NTRK3: variants seen among roughly 807,000 people sequenced by gnomAD.
The protein encoded by NTRK3 is NT-3 growth factor receptor.
NTRK3 carries 24 observed loss-of-function variants against 91.7 expected under a neutral mutation model. That is an observed-to-expected ratio of 0.26 (90% confidence interval 0.19 to 0.37). The LOEUF is 0.37. Among genes scored for constraint, NTRK3 ranks in the 10% least tolerant of loss-of-function variants. NTRK3 has a pLI of 1.00. For missense variants in NTRK3, 880 were observed against 1,068.9 expected (o/e 0.82, Z 2.46); for synonymous variants, 483 against 404.0 (o/e 1.20, Z -2.34).
intron 13 of NTRK3, among the ~76,000 whole-genome samples, chr15:88,063,504 C>G (rs1225529281): frequency 6.6e-6 from 1 of 152,226 alleles, no homozygotes; most frequent in Non-Finnish European, 1.5e-5. Context: ...CTGGGTGTCT[C>G]TCTGCTGTGA....
intron 17 of NTRK3, among the ~76,000 whole-genome samples, chr15:87,919,277 G>T (rs887307249): frequency 3.3e-5 from 5 of 152,112 alleles, no homozygotes; most frequent in Non-Finnish European, 7.4e-5. Flanking sequence ...TTTGTCACTG[G>T]CTGCCAAGAG....
chr15:87,894,507 C>G (rs1427027605), intron 17 of NTRK3, among the ~76,000 whole-genome samples: 1 of 152,172 alleles, frequency 6.6e-6, no homozygotes, highest in East Asian at 1.9e-4. Context: ...TGATCATTCC[C>G]TGATGGTATG....
intron 13 of NTRK3, among the ~76,000 whole-genome samples, chr15:88,105,292 C>T (rs771382729): frequency 6.6e-6 from 1 of 152,086 alleles, no homozygotes; most frequent in Non-Finnish European, 1.5e-5. Flanking sequence ...CTACATTTAA[C>T]GTGTCAGAGA....
chr15:88,138,980 T>C (rs150756911), intron 6 of NTRK3, among the ~76,000 whole-genome samples: 140 of 152,304 alleles, frequency 9.2e-4, no homozygotes, highest in Non-Finnish European at 1.6e-3. Context: ...ATTTCCAAGA[T>C]ATGCTCAAAG....
intron 6 of NTRK3, among the ~76,000 whole-genome samples, chr15:88,138,947 C>T (rs141137534): frequency 6.2e-4 from 94 of 152,180 alleles, no homozygotes; most frequent in African/African-American, 2.1e-3. Context: ...ACTGACTGTC[C>T]CTGGGGGAGT....
intron 3 of NTRK3, among the ~76,000 whole-genome samples, chr15:88,218,707 C>T (rs1225491703): frequency 1.3e-5 from 2 of 152,142 alleles, no homozygotes; most frequent in Non-Finnish European, 2.9e-5. Flanking sequence ...GCTTCTGTGC[C>T]CTGCACCATT....
intron 13 of NTRK3, among the ~76,000 whole-genome samples, chr15:88,062,935 G>C (rs1243970395): frequency 6.6e-6 from 1 of 152,230 alleles, no homozygotes; most frequent in Non-Finnish European, 1.5e-5. Flanking sequence ...TTGAACTTCT[G>C]ATTATCTTGT....
chr15:87,910,706 A>C (rs2067040838), intron 17 of NTRK3, among the ~76,000 whole-genome samples: 1 of 152,088 alleles, frequency 6.6e-6, no homozygotes, highest in Admixed American at 6.6e-5. Context: ...AAGGAGAGAA[A>C]CCAATGGAGC....
chr15:88,047,465 T>C (rs2080329940), intron 13 of NTRK3, among the ~76,000 whole-genome samples: 1 of 152,218 alleles, frequency 6.6e-6, no homozygotes, highest in African/African-American at 2.4e-5. Flanking sequence ...TCTGAAAATG[T>C]ATAAATGCAT....
At chr15:88,083,182 C>T (rs746436322) in intron 13 of NTRK3, among the ~76,000 whole-genome samples, 8 of 152,168 alleles carry the variant, frequency 5.3e-5, no homozygotes, top group East Asian at 3.9e-4. Flanking sequence ...CACCCCTGCA[C>T]GGTCCTCTGT....
chr15:88,102,901 T>C (rs546470243), intron 13 of NTRK3, among the ~76,000 whole-genome samples: 24 of 152,264 alleles, frequency 1.6e-4, no homozygotes, highest in Non-Finnish European at 3.5e-4. Flanking sequence ...CCAGTCAGAG[T>C]TGATGAAGGC....
chr15:88,066,074 A>C (rs2046625475), intron 13 of NTRK3, among the ~76,000 whole-genome samples: 1 of 152,214 alleles, frequency 6.6e-6, no homozygotes, highest in African/African-American at 2.4e-5. Flanking sequence ...AGCAGCAACT[A>C]TCTGGGTTTT....
At chr15:88,058,339 G>T (rs1303600787) in intron 13 of NTRK3, among the ~76,000 whole-genome samples, 1 of 152,196 alleles carries the variant, frequency 6.6e-6, no homozygotes, top group Non-Finnish European at 1.5e-5. Context: ...CAATCAAATG[G>T]TAATGATATG....
intron 14 of NTRK3, chr15:87,981,404 A>G (rs1300357339): frequency 6.2e-7 from 1 of 1,613,688 alleles, no homozygotes. Flanking sequence ...GTCAGTATTA[A>G]ACCCCAAGTG....
chr15:88,083,568 T>C (rs148054059), intron 13 of NTRK3, among the ~76,000 whole-genome samples: 4 of 152,206 alleles, frequency 2.6e-5, no homozygotes, highest in African/African-American at 9.6e-5. Context: ...TTATTTGTGT[T>C]GCCTGGAAGG....
chr15:87,966,403 G>A (rs948989692), intron 14 of NTRK3, among the ~76,000 whole-genome samples: 3 of 152,198 alleles, frequency 2.0e-5, no homozygotes, highest in South Asian at 2.1e-4. Flanking sequence ...TCAGATTTGC[G>A]AGTGGAGACA....
intron 17 of NTRK3, among the ~76,000 whole-genome samples, chr15:87,886,699 T>TATATATATATATAC (rs1265075771): frequency 6.5e-5 from 9 of 138,478 alleles, no homozygotes; most frequent in African/African-American, 1.1e-4. Flanking sequence ...TATATATATA[T>TATATATATATATAC]ACATATATAC....
At chr15:88,248,693 C>T (rs1018722312) in intron 3 of NTRK3, among the ~76,000 whole-genome samples, 3 of 152,138 alleles carry the variant, frequency 2.0e-5, no homozygotes, top group Non-Finnish European at 2.9e-5. Context: ...TCAGTTTCCC[C>T]ATCTGGAAAA....
intron 3 of NTRK3, among the ~76,000 whole-genome samples, chr15:88,250,511 CCAT>C (rs1443566262): frequency 6.6e-6 from 1 of 152,216 alleles, no homozygotes; most frequent in Non-Finnish European, 1.5e-5. Flanking sequence ...AGGCACTAGA[CCAT>C]CGTTTCATAA....
Sources: gnomAD v4.1 joint callset for allele counts (sites outside exome capture counted in the v4.1 genomes callset) on GRCh38, gnomAD v4.1.1 for gene constraint, MANE v1.5 for transcripts, NCBI Gene and HGNC (gene_info 2026-07-23, HGNC 2026-07-21) for gene names.